The following NAV2 variants were observed in gnomAD, a reference collection of about 807,000 sequenced individuals.
The protein encoded by NAV2 is neuron navigator 2.
A neutral mutation model predicts 223.2 loss-of-function variants in NAV2; 54 were observed. The ratio of observed to expected loss-of-function variants is 0.24; its 90% CI spans 0.19 to 0.30. The LOEUF is 0.30. NAV2 is among the 10% of genes least tolerant of loss of function. The pLI, the probability that NAV2 is intolerant of heterozygous loss-of-function variation, is 1.00. For synonymous variants in NAV2, 1,279 were observed against 1,239.3 expected, an observed-to-expected ratio of 1.03 and a Z score of -0.67; for missense variants, 2,806 against 3,147.5, an observed-to-expected ratio of 0.89 and a Z score of 2.60.
intron 1 of NAV2, among the ~76,000 whole-genome samples, chr11:19,389,702 A>C (rs1046227401): frequency 1.3e-5 from 2 of 152,198 alleles, no homozygotes; most frequent in Non-Finnish European, 2.9e-5. Flanking sequence ...GGTACTTTTA[A>C]AATGTTTATG....
At chr11:19,747,362 C>T (rs554620473) in intron 1 of NAV2, among the ~76,000 whole-genome samples, 9 of 152,186 alleles carry the variant, frequency 5.9e-5, no homozygotes, top group Middle Eastern at 3.4e-3. Context: ...TATTTTACCT[C>T]CTAATAACAC....
intron 1 of NAV2, among the ~76,000 whole-genome samples, chr11:19,593,759 T>A (rs75209205): frequency 2.6e-5 from 4 of 152,146 alleles, no homozygotes; most frequent in Admixed American, 2.6e-4. Context: ...AGTGACACCT[T>A]TCATGGTCTG....
At chr11:19,723,328 T>C (rs912002473) in intron 1 of NAV2, among the ~76,000 whole-genome samples, 1 of 152,228 alleles carries the variant, frequency 6.6e-6, no homozygotes, top group South Asian at 2.1e-4. Context: ...TAGGAGACAG[T>C]GAGAGGACTA....
intron 1 of NAV2, among the ~76,000 whole-genome samples, chr11:19,521,539 C>A (rs544785051): frequency 6.6e-5 from 10 of 152,316 alleles, no homozygotes; most frequent in Admixed American, 3.9e-4. Flanking sequence ...TTCTCACGCC[C>A]TGTGCAGCTC....
intron 11 of NAV2, among the ~76,000 whole-genome samples, chr11:20,018,258 G>A (rs1006552774): frequency 6.8e-6 from 1 of 148,052 alleles, no homozygotes; most frequent in Non-Finnish European, 1.5e-5. Context: ...GGAGGCTGAG[G>A]CATGAGAATC....
chr11:19,784,984 G>A (rs980002526), intron 1 of NAV2, among the ~76,000 whole-genome samples: 5 of 152,180 alleles, frequency 3.3e-5, no homozygotes, highest in Non-Finnish European at 7.3e-5. Context: ...TAATGTTAGG[G>A]TTGGAAATTT....
At chr11:19,917,015 G>C (rs527711323) in intron 6 of NAV2, among the ~76,000 whole-genome samples, 2 of 152,342 alleles carry the variant, frequency 1.3e-5, no homozygotes, top group South Asian at 2.1e-4. Flanking sequence ...AACAACTAAG[G>C]CCAGGAGGAA....
intron 6 of NAV2, among the ~76,000 whole-genome samples, chr11:19,916,098 G>A (rs894685211): frequency 6.6e-6 from 1 of 152,130 alleles, no homozygotes; most frequent in African/African-American, 2.4e-5. Context: ...TTAGCATAGT[G>A]CCTTTTACAC....
intron 10 of NAV2, among the ~76,000 whole-genome samples, chr11:19,972,251 G>A (rs1354947481): frequency 6.6e-6 from 1 of 152,176 alleles, no homozygotes; most frequent in Non-Finnish European, 1.5e-5. Flanking sequence ...CATTCCTACA[G>A]ACAACCAGTG....
At chr11:19,524,122 C>A (rs763346565) in intron 1 of NAV2, among the ~76,000 whole-genome samples, 6 of 152,192 alleles carry the variant, frequency 3.9e-5, no homozygotes, top group Admixed American at 6.5e-5. Flanking sequence ...AGGATATGAT[C>A]CCCTGAGGGT....
intron 1 of NAV2, among the ~76,000 whole-genome samples, chr11:19,550,428 A>G (rs918177288): frequency 4.6e-5 from 7 of 152,224 alleles, no homozygotes; most frequent in African/African-American, 7.2e-5. Context: ...CAATAATTCC[A>G]TAAGTCTGGG....
chr11:19,454,944 C>T (rs1385651532), intron 1 of NAV2, among the ~76,000 whole-genome samples: 1 of 152,048 alleles, frequency 6.6e-6, no homozygotes, highest in Non-Finnish European at 1.5e-5. Context: ...GGTCTCTGGG[C>T]CAGCAGCAGC....
intron 20 of NAV2, among the ~76,000 whole-genome samples, chr11:20,064,830 C>T (rs10741813): frequency 6.6e-5 from 10 of 152,058 alleles, no homozygotes; most frequent in African/African-American, 2.2e-4. Flanking sequence ...GTAATCATAG[C>T]GTTCTTCTCA....
intron 26 of NAV2, among the ~76,000 whole-genome samples, chr11:20,086,681 G>A (rs1033356640): frequency 8.5e-5 from 13 of 152,206 alleles, no homozygotes; most frequent in Non-Finnish European, 1.6e-4. Context: ...ACTGATAACA[G>A]TAGTGAGTTC....
intron 1 of NAV2, among the ~76,000 whole-genome samples, chr11:19,752,018 T>C (rs1768662627): frequency 6.6e-6 from 1 of 152,200 alleles, no homozygotes; most frequent in Admixed American, 6.5e-5. Context: ...GAGCCTCTTC[T>C]TTCATGTTCT....
chr11:19,912,897 C>T (rs2043437231), intron 6 of NAV2, among the ~76,000 whole-genome samples: 1 of 152,158 alleles, frequency 6.6e-6, no homozygotes, highest in African/African-American at 2.4e-5. Context: ...GCATGTAATC[C>T]GAGTTGTCCA....
intron 1 of NAV2, among the ~76,000 whole-genome samples, chr11:19,621,387 G>A (rs1346601409): frequency 2.0e-5 from 3 of 152,132 alleles, no homozygotes; most frequent in African/African-American, 4.8e-5. Flanking sequence ...TCTGGTCCTG[G>A]ACTTTTTTTG....
Position 19,962,402 on chromosome 11 carries a change from G to A in NAV2, c.2645+13322G>A, listed in dbSNP as rs183349321. 3.2e-3 allele frequency among the ~76,000 whole-genome samples: 486 copies of A among 152,174 alleles called. 10 individuals carry two copies. The highest frequency in any genetic ancestry group is 0.03 in the Admixed American group (459 of 15,296). On this transcript the variant is annotated intron_variant, in intron 10 of 37. Coordinates refer to ENST00000349880, the MANE Select transcript of NAV2 (RefSeq NM_145117.5). ...CTGGGTATTGTGGCCCAGCCAAGTTGACACATAAAATCAGCCATCCCAGCC... is the reference window on the plus strand; with the variant it reads ...CTGGGTATTGTGGCCCAGCCAAGTTAACACATAAAATCAGCCATCCCAGCC...
chr11:20,076,687 C>T (rs1002975056), intron 22 of NAV2, among the ~76,000 whole-genome samples: 4 of 152,228 alleles, frequency 2.6e-5, no homozygotes, highest in Non-Finnish European at 4.4e-5. Flanking sequence ...AAAGTTACCT[C>T]TTACCCTTGA....
Sources: gnomAD v4.1 joint callset for allele counts (sites outside exome capture counted in the v4.1 genomes callset) on GRCh38, gnomAD v4.1.1 for gene constraint, MANE v1.5 for transcripts, NCBI Gene and HGNC (gene_info 2026-07-23, HGNC 2026-07-21) for gene names.